NRG3: variants seen among roughly 807,000 people sequenced by gnomAD.
The protein encoded by NRG3 is pro-neuregulin-3, membrane-bound isoform.
A neutral mutation model predicts 66.9 loss-of-function variants in NRG3; 31 were observed. The observed-to-expected ratio is 0.46, with a 90% confidence interval of 0.35 to 0.63. NRG3 has a LOEUF of 0.63. NRG3 is among the 20% of genes least tolerant of loss of function. NRG3 has a pLI of 0.00. For synonymous variants in NRG3, 393 were observed against 359.4 expected (o/e 1.09, Z -1.06); for missense variants, 910 against 878.9 (o/e 1.04, Z -0.45).
intron 4 of NRG3, among the ~76,000 whole-genome samples, chr10:82,903,948 T>TA (rs1383948806): frequency 3.9e-5 from 6 of 152,206 alleles, no homozygotes; most frequent in African/African-American, 1.4e-4. Flanking sequence ...AGTCTGGACT[T>TA]ACAGATGTGT....
intron 4 of NRG3, among the ~76,000 whole-genome samples, chr10:82,868,601 A>G (rs1840993095): frequency 6.6e-6 from 1 of 152,228 alleles, no homozygotes; most frequent in Admixed American, 6.5e-5. Flanking sequence ...TGCTGTTTTC[A>G]CTGACCTCAA....
intron 2 of NRG3, among the ~76,000 whole-genome samples, chr10:82,706,734 C>G (rs897080742): frequency 1.3e-5 from 2 of 152,212 alleles, no homozygotes; most frequent in East Asian, 1.9e-4. Context: ...TGGCTCACGC[C>G]TTTAATCCCA....
At chr10:82,557,395 G>A (rs556835887) in intron 2 of NRG3, among the ~76,000 whole-genome samples, 5 of 152,160 alleles carry the variant, frequency 3.3e-5, no homozygotes, top group Admixed American at 2.6e-4. Context: ...CAGTGATATT[G>A]AGCTTTTTTT....
intron 1 of NRG3, among the ~76,000 whole-genome samples, chr10:82,057,691 G>T (rs1461898719): frequency 6.6e-6 from 1 of 151,938 alleles, no homozygotes; most frequent in African/African-American, 2.4e-5. Flanking sequence ...TTTTGTTTAA[G>T]AATTATCAAG....
chr10:82,850,722 A>AAC (rs1469697350), intron 3 of NRG3, among the ~76,000 whole-genome samples: 1 of 151,010 alleles, frequency 6.6e-6, no homozygotes, highest in Non-Finnish European at 1.5e-5. Context: ...GCAAAAAAAA[A>AAC]AAAGAAATTT....
chr10:82,246,164 A>G (rs1404886495), intron 1 of NRG3, among the ~76,000 whole-genome samples: 2 of 152,002 alleles, frequency 1.3e-5, no homozygotes, highest in East Asian at 1.9e-4. Context: ...TGGAGTCTAC[A>G]CTTATATGTA....
rs992229757 is a variant in NRG3 at position 82,137,994 on chromosome 10, C to T, written c.824-220745C>T. On this transcript the variant is annotated intron_variant, in intron 1 of 8. Coordinates refer to ENST00000372141, the MANE Select transcript of NRG3 (RefSeq NM_001010848.4). ...GGTATTTTCTCATCACTTGACAATA[C>T]ATAAAGAAGTTAAACAAAGAGAGTA... Among the ~76,000 whole-genome samples the T allele has an allele frequency of 5.3e-5, 8 of 152,102 alleles. No individual in the cohort carries two copies. The East Asian group carries it at 5.8e-4, about 11-fold the overall frequency.
chr10:82,812,403 A>G (rs1181396526), intron 3 of NRG3, among the ~76,000 whole-genome samples: 1 of 152,260 alleles, frequency 6.6e-6, no homozygotes, highest in Non-Finnish European at 1.5e-5. Flanking sequence ...CTTCGGCTCA[A>G]GAACAAAAAG....
intron 2 of NRG3, among the ~76,000 whole-genome samples, chr10:82,570,402 A>T (rs1351265195): frequency 6.6e-6 from 1 of 151,644 alleles, no homozygotes; most frequent in African/African-American, 2.4e-5. Flanking sequence ...AATTAAATAT[A>T]TATTTTTCTC....
chr10:82,511,627 G>C (rs1380581540), intron 2 of NRG3, among the ~76,000 whole-genome samples: 1 of 152,152 alleles, frequency 6.6e-6, no homozygotes, highest in Non-Finnish European at 1.5e-5. Context: ...CTCATCAAAA[G>C]AGCAGGAAAT....
At chr10:82,572,065 T>G (rs2133123315) in intron 2 of NRG3, among the ~76,000 whole-genome samples, 2 of 151,850 alleles carry the variant, frequency 1.3e-5, no homozygotes, top group Middle Eastern at 6.8e-3. Flanking sequence ...TAACTGACAT[T>G]AAACCATTTT....
intron 1 of NRG3, among the ~76,000 whole-genome samples, chr10:82,159,471 A>G (rs757209771): frequency 1.3e-5 from 2 of 151,832 alleles, no homozygotes; most frequent in South Asian, 2.1e-4. Flanking sequence ...TTAGGATTTC[A>G]TTCCGGAATC....
intron 1 of NRG3, among the ~76,000 whole-genome samples, chr10:82,215,077 C>T (rs1323716879): frequency 6.6e-6 from 1 of 152,156 alleles, no homozygotes; most frequent in Non-Finnish European, 1.5e-5. Flanking sequence ...TGACATTCAT[C>T]ATTACAATGA....
chr10:81,976,096 A>C (rs1018697264), intron 1 of NRG3, among the ~76,000 whole-genome samples: 21 of 152,316 alleles, frequency 1.4e-4, no homozygotes, highest in Admixed American at 1.3e-4. Context: ...AGATATTTGT[A>C]TTGTTTTAAT....
intron 2 of NRG3, among the ~76,000 whole-genome samples, chr10:82,571,796 A>G (rs1434791436): frequency 6.6e-6 from 1 of 151,726 alleles, no homozygotes; most frequent in Non-Finnish European, 1.5e-5. Context: ...CAAAAAGCCC[A>G]TGGTGAATAA....
intron 1 of NRG3, among the ~76,000 whole-genome samples, chr10:82,102,149 T>TTC (rs1364136930): frequency 2.2e-5 from 2 of 90,528 alleles, no homozygotes; most frequent in African/African-American, 9.8e-5. Context: ...TATATATATA[T>TTC]ATATATATAT....
At chr10:82,756,365 CA>C (rs1471689949) in intron 3 of NRG3, among the ~76,000 whole-genome samples, 10 of 152,240 alleles carry the variant, frequency 6.6e-5, no homozygotes, top group African/African-American at 2.4e-4. Context: ...CAATGGCAGG[CA>C]AATCCTTTCC....
chr10:82,538,633 A>G (rs2043325649), intron 2 of NRG3, among the ~76,000 whole-genome samples: 1 of 152,126 alleles, frequency 6.6e-6, no homozygotes, highest in Non-Finnish European at 1.5e-5. Flanking sequence ...ACAGTAGCCA[A>G]GCAGACACTC....
At chr10:82,940,755 G>C (rs142464963) in intron 4 of NRG3, among the ~76,000 whole-genome samples, 1 of 151,960 alleles carries the variant, frequency 6.6e-6, no homozygotes, top group African/African-American at 2.4e-5. Context: ...GAGCTTCCTT[G>C]AGTTTATTTT....
Sources: gnomAD v4.1 joint callset for allele counts (sites outside exome capture counted in the v4.1 genomes callset) on GRCh38, gnomAD v4.1.1 for gene constraint, MANE v1.5 for transcripts, NCBI Gene and HGNC (gene_info 2026-07-23, HGNC 2026-07-21) for gene names.